The following NRXN3 variants were observed in gnomAD, a reference collection of about 807,000 sequenced individuals.
The protein encoded by NRXN3 is neurexin 3, also known as neurexin III.
In NRXN3, 32 loss-of-function variants were observed where a neutral mutation model predicts 137.6. That is an observed-to-expected ratio of 0.23 (90% CI 0.18 to 0.31). The LOEUF is 0.31. Ranked by LOEUF, NRXN3 falls within the 10% of genes least tolerant of loss-of-function variation. The probability of loss-of-function intolerance (pLI) is 1.00; values close to 1 mark genes in which losing one functional copy is unlikely to be tolerated. For missense variants in NRXN3, 1,574 were observed against 2,062.5 expected (o/e 0.76, Z 4.59); for synonymous variants, 798 against 784.5 (o/e 1.02, Z -0.29).
At chr14:78,662,271 T>C (rs1378938751) in intron 6 of NRXN3, among the ~76,000 whole-genome samples, 1 of 150,752 alleles carries the variant, frequency 6.6e-6, no homozygotes, top group Non-Finnish European at 1.5e-5. Context: ...GCATTCAAGA[T>C]CCTAACAACG....
chr14:78,928,565 C>T (rs994711309), intron 10 of NRXN3, among the ~76,000 whole-genome samples: 26 of 151,912 alleles, frequency 1.7e-4, no homozygotes, highest in African/African-American at 2.7e-4. Flanking sequence ...GTTTTTTGTC[C>T]TTGCGATAGT....
At chr14:78,597,327 G>A (rs180718076) in intron 4 of NRXN3, among the ~76,000 whole-genome samples, 20 of 152,290 alleles carry the variant, frequency 1.3e-4, no homozygotes, top group East Asian at 5.8e-4. Flanking sequence ...AAATATTTTC[G>A]TTCTACAATT....
chr14:79,408,179 T>C (rs577064973), intron 15 of NRXN3, among the ~76,000 whole-genome samples: 1 of 152,268 alleles, frequency 6.6e-6, no homozygotes, highest in South Asian at 2.1e-4. Context: ...CCACAAGTGT[T>C]TGCAGACCTG....
intron 10 of NRXN3, among the ~76,000 whole-genome samples, chr14:78,833,660 AG>A (rs2098988419): frequency 6.6e-6 from 1 of 152,192 alleles, no homozygotes; most frequent in Non-Finnish European, 1.5e-5. Context: ...TTGAACTATC[AG>A]GGTAGAGGGA....
intron 4 of NRXN3, among the ~76,000 whole-genome samples, chr14:78,605,378 C>T (rs1251031373): frequency 6.6e-6 from 1 of 152,102 alleles, no homozygotes; most frequent in East Asian, 1.9e-4. Flanking sequence ...AATGACTCTG[C>T]CCTATAAAAG....
At chr14:79,079,457 A>G (rs1464282964) in intron 15 of NRXN3, among the ~76,000 whole-genome samples, 1 of 152,220 alleles carries the variant, frequency 6.6e-6, no homozygotes, top group African/African-American at 2.4e-5. Flanking sequence ...GTAGTAAATC[A>G]TTACCTTACT....
At chr14:79,479,824 A>G (rs111904109) in intron 16 of NRXN3, among the ~76,000 whole-genome samples, 61 of 152,226 alleles carry the variant, frequency 4.0e-4, no homozygotes, top group African/African-American at 1.4e-3. Context: ...CTGGAGACTA[A>G]TCTGAGGTTT....
intron 15 of NRXN3, among the ~76,000 whole-genome samples, chr14:79,209,855 T>C (rs2067379131): frequency 6.6e-6 from 1 of 152,196 alleles, no homozygotes; most frequent in Non-Finnish European, 1.5e-5. Context: ...GCACAGCTAT[T>C]AGTCTGTAGT....
chr14:78,292,980 T>C (rs2075959526), intron 3 of NRXN3, among the ~76,000 whole-genome samples: 1 of 152,202 alleles, frequency 6.6e-6, no homozygotes, highest in African/African-American at 2.4e-5. Context: ...CTTCCTCATC[T>C]ACAACATACA....
Position 78,534,494 on chromosome 14 carries a change from C to G in NRXN3, c.758-110626C>G, listed in dbSNP as rs79540767. ...ATCTGAATGGCTGCCCAATCTATAACGAATATTCTATCTACAGGGCAATAA... is the reference window on the plus strand; with the variant it reads ...ATCTGAATGGCTGCCCAATCTATAAGGAATATTCTATCTACAGGGCAATAA... On this transcript the variant is annotated intron_variant, in intron 4 of 20. Coordinates refer to ENST00000335750, the MANE Select transcript of NRXN3 (RefSeq NM_001330195.2). Among the ~76,000 whole-genome samples the G allele has an allele frequency of 5.0e-3, 765 of 152,268 alleles. 7 individuals are homozygous for G. The highest frequency in any genetic ancestry group is 0.017 in the African/African-American group (709 of 41,558).
At chr14:79,188,657 ATGGCTTTGTAAG>A (rs2063836166) in intron 15 of NRXN3, among the ~76,000 whole-genome samples, 1 of 152,210 alleles carries the variant, frequency 6.6e-6, no homozygotes, top group Non-Finnish European at 1.5e-5. Flanking sequence ...TATCTTCCAA[ATGGCTTTGTAAG>A]TGTCTAGGCA....
intron 11 of NRXN3, among the ~76,000 whole-genome samples, chr14:78,964,131 G>A (rs2099413166): frequency 6.6e-6 from 1 of 151,948 alleles, no homozygotes; most frequent in Admixed American, 6.6e-5. Context: ...AGCACTTAAG[G>A]GTATGATCTG....
intron 4 of NRXN3, among the ~76,000 whole-genome samples, chr14:78,623,026 T>C (rs907821194): frequency 4.6e-4 from 70 of 152,222 alleles, no homozygotes; most frequent in Non-Finnish European, 5.1e-4. Flanking sequence ...CCAGGACTTA[T>C]AAATTATTAT....
At chr14:78,375,116 C>A (rs1028307455) in intron 4 of NRXN3, among the ~76,000 whole-genome samples, 5 of 152,212 alleles carry the variant, frequency 3.3e-5, no homozygotes, top group African/African-American at 1.2e-4. Flanking sequence ...AGGACTCCAA[C>A]CTTTTGATAG....
At chr14:78,919,256 T>TG (rs1394668195) in intron 10 of NRXN3, among the ~76,000 whole-genome samples, 1 of 152,238 alleles carries the variant, frequency 6.6e-6, no homozygotes, top group East Asian at 1.9e-4. Flanking sequence ...GCTAATTACC[T>TG]GAGTATGGTG....
chr14:78,599,650 C>A (rs1188921095), intron 4 of NRXN3, among the ~76,000 whole-genome samples: 1 of 152,148 alleles, frequency 6.6e-6, no homozygotes, highest in Non-Finnish European at 1.5e-5. Flanking sequence ...TTCACCCAGT[C>A]CTGCAGATTT....
chr14:79,617,579 G>A (rs994482542), intron 16 of NRXN3, among the ~76,000 whole-genome samples: 1 of 152,126 alleles, frequency 6.6e-6, no homozygotes, highest in Non-Finnish European at 1.5e-5. Flanking sequence ...CTGACCAGTA[G>A]CAGAAACAGA....
intron 10 of NRXN3, among the ~76,000 whole-genome samples, chr14:78,922,265 G>A (rs2099272750): frequency 6.6e-6 from 1 of 152,088 alleles, no homozygotes; most frequent in African/African-American, 2.4e-5. Context: ...CAACTGGACC[G>A]AGCTTGTGAA....
chr14:79,468,291 C>G (rs940861907), intron 16 of NRXN3, among the ~76,000 whole-genome samples: 1 of 152,162 alleles, frequency 6.6e-6, no homozygotes, highest in African/African-American at 2.4e-5. Flanking sequence ...ATTTTATCAC[C>G]TGTGCAGTCT....
Sources: allele counts gnomAD v4.1 joint callset (sites outside exome capture counted in the v4.1 genomes callset), GRCh38; gene constraint gnomAD v4.1.1; transcripts MANE v1.5; gene names NCBI Gene and HGNC (gene_info 2026-07-23, HGNC 2026-07-21).